The following MAPK10 variants were observed in gnomAD, a reference collection of about 807,000 sequenced individuals.
MAPK10 encodes the protein JNK3 alpha protein kinase.
Under a neutral mutation model 59.3 loss-of-function variants are expected in MAPK10, and 25 were observed. The observed-to-expected ratio is 0.42, with a 90% CI of 0.31 to 0.59. The LOEUF is 0.59. Ranked by LOEUF, MAPK10 falls within the 20% of genes least tolerant of loss-of-function variation. MAPK10 has a pLI of 0.15. For synonymous variants in MAPK10, 190 were observed against 200.5 expected, an observed-to-expected ratio of 0.95 and a Z score of 0.44; for missense variants, 351 against 568.9, an observed-to-expected ratio of 0.62 and a Z score of 3.90.
chr4:86,012,249 T>C lies in MAPK10; in HGVS notation c.*4979A>G, dbSNP rs1020990937. The C allele has an allele frequency of 1.3e-5, 2 of 152,208 alleles. No homozygotes were observed. The highest frequency in any genetic ancestry group is 4.8e-5 in the African/African-American group (2 of 41,456). 9.4% of individuals were successfully genotyped at this position (152,208 alleles called of 1,614,324 possible). ...TCAAATGAAAACACAGATTTCTACATGGTCACATTCATATCACACACTCTT... is the reference window on the plus strand; with the variant it reads ...TCAAATGAAAACACAGATTTCTACACGGTCACATTCATATCACACACTCTT... On this transcript the variant is annotated 3_prime_UTR_variant, in exon 14 of 14. Transcript: ENST00000641462.
At chr4:86,190,698 C>T (rs1231351731) in intron 3 of MAPK10, among the ~76,000 whole-genome samples, 3 of 152,076 alleles carry the variant, frequency 2.0e-5, no homozygotes, top group African/African-American at 7.2e-5. Context: ...AAAAAACCAG[C>T]TCCTGGATTC....
intron 2 of MAPK10, among the ~76,000 whole-genome samples, chr4:86,272,985 C>T (rs946004334): frequency 5.3e-5 from 8 of 152,052 alleles, no homozygotes; most frequent in Non-Finnish European, 7.4e-5. Flanking sequence ...GTCTATGGCA[C>T]GGATACCAGC....
chr4:86,547,893 C>A (rs1436330236), intron 1 of MAPK10, among the ~76,000 whole-genome samples: 3 of 152,138 alleles, frequency 2.0e-5, no homozygotes, highest in African/African-American at 7.2e-5. Context: ...CTTAGAGAAC[C>A]TTTATGTCTA....
At chr4:86,370,283 A>G (rs1327057273) in intron 1 of MAPK10, among the ~76,000 whole-genome samples, 1 of 152,202 alleles carries the variant, frequency 6.6e-6, no homozygotes, top group Non-Finnish European at 1.5e-5. Flanking sequence ...TATTCAGGAC[A>G]TCAGTGATTC....
At chr4:86,369,941 T>A (rs1015684840) in intron 1 of MAPK10, among the ~76,000 whole-genome samples, 3 of 152,172 alleles carry the variant, frequency 2.0e-5, no homozygotes, top group Non-Finnish European at 4.4e-5. Flanking sequence ...CACAGACTTT[T>A]CATGAGAAAC....
intron 2 of MAPK10, among the ~76,000 whole-genome samples, chr4:86,288,280 C>T (rs535831418): frequency 2.7e-5 from 4 of 149,944 alleles, no homozygotes; most frequent in South Asian, 2.1e-4. Flanking sequence ...CCCATTAACT[C>T]GTCATTTAGC....
intron 3 of MAPK10, among the ~76,000 whole-genome samples, chr4:86,183,796 C>G (rs2077489118): frequency 6.6e-6 from 1 of 152,184 alleles, no homozygotes; most frequent in Non-Finnish European, 1.5e-5. Context: ...TCCTCTCCAG[C>G]ACCTGTTGTT....
intron 11 of MAPK10, among the ~76,000 whole-genome samples, chr4:86,048,361 T>C (rs9307015): frequency 0.23 from 34,713 of 152,060 alleles, 4,170 homozygotes; most frequent in South Asian, 0.26. Flanking sequence ...CTTAAAATTC[T>C]GAGAAGCAGT....
chr4:86,107,162 A>G (rs41282389), intron 5 of MAPK10, 61 bp downstream of exon 5: 20,214 of 1,391,382 alleles, frequency 0.015, 197 homozygotes, highest in Non-Finnish European at 0.017. Context: ...GTACAGACAC[A>G]TTTTCTTTTT....
chr4:86,027,750 T>C (rs990134289), intron 13 of MAPK10: 2 of 152,228 alleles, frequency 1.3e-5, no homozygotes, highest in African/African-American at 4.8e-5. Flanking sequence ...GACACAAAGA[T>C]AAATGCATAC....
intron 1 of MAPK10, among the ~76,000 whole-genome samples, chr4:86,547,651 G>A (rs1759340482): frequency 6.6e-6 from 1 of 152,210 alleles, no homozygotes; most frequent in Non-Finnish European, 1.5e-5. Flanking sequence ...GCGGCAGGCA[G>A]GGAGCTCCAC....
intron 1 of MAPK10, among the ~76,000 whole-genome samples, chr4:86,441,064 T>C (rs914237265): frequency 1.1e-4 from 16 of 151,922 alleles, no homozygotes; most frequent in Non-Finnish European, 1.8e-4. Flanking sequence ...AGATTAAAGA[T>C]TTCAGATTCA....
At chr4:86,247,513 G>A (rs192080942) in intron 2 of MAPK10, among the ~76,000 whole-genome samples, 6 of 152,142 alleles carry the variant, frequency 3.9e-5, no homozygotes, top group African/African-American at 1.4e-4. Context: ...GCATCGTTAG[G>A]CCATGATTTA....
intron 2 of MAPK10, among the ~76,000 whole-genome samples, chr4:86,289,427 G>A (rs187608955): frequency 6.6e-6 from 1 of 151,872 alleles, no homozygotes; most frequent in Non-Finnish European, 1.5e-5. Context: ...AAAATGAAGA[G>A]GCAGAGAGCA....
At chr4:86,150,669 G>A (rs2066201567) in intron 4 of MAPK10, among the ~76,000 whole-genome samples, 2 of 152,078 alleles carry the variant, frequency 1.3e-5, no homozygotes, top group South Asian at 2.1e-4. Flanking sequence ...AGACCATCCT[G>A]GCTAACACGG....
intron 1 of MAPK10, among the ~76,000 whole-genome samples, chr4:86,535,243 G>A (rs1424872138): frequency 2.6e-5 from 4 of 152,084 alleles, no homozygotes; most frequent in Non-Finnish European, 5.9e-5. Context: ...GAAAGTTCCA[G>A]AAAGAGTTTA....
intron 11 of MAPK10, chr4:86,044,459 A>G (rs2042150030): frequency 3.2e-6 from 1 of 315,394 alleles, no homozygotes; most frequent in Non-Finnish European, 5.8e-6. Context: ...CCACTTATAC[A>G]GTAGAGAAGC....
At chr4:86,264,893 T>G (rs188236554) in intron 2 of MAPK10, among the ~76,000 whole-genome samples, 5 of 142,734 alleles carry the variant, frequency 3.5e-5, no homozygotes, top group Non-Finnish European at 6.0e-5. Flanking sequence ...CTGGACTTTT[T>G]TTTTTTTTTT....
intron 1 of MAPK10, among the ~76,000 whole-genome samples, chr4:86,489,952 A>C (rs1409173037): frequency 6.6e-6 from 1 of 152,122 alleles, no homozygotes; most frequent in African/African-American, 2.4e-5. Context: ...CATCTCCAGC[A>C]TCATGGTCTA....
Sources: allele counts gnomAD v4.1 joint callset (sites outside exome capture counted in the v4.1 genomes callset), GRCh38; gene constraint gnomAD v4.1.1; transcripts MANE v1.5; gene names NCBI Gene and HGNC (gene_info 2026-07-23, HGNC 2026-07-21).